The following PSTPIP2 variants were observed in gnomAD, a reference collection of about 807,000 sequenced individuals.
The protein encoded by PSTPIP2 is proline-serine-threonine phosphatase-interacting protein 2.
Under a neutral mutation model 63.3 loss-of-function variants are expected in PSTPIP2, and 33 were observed. The ratio of observed to expected loss-of-function variants is 0.52; its 90% confidence interval spans 0.40 to 0.70. The LOEUF is 0.70. Among genes scored for constraint, PSTPIP2 ranks in the 30% least tolerant of loss-of-function variants. The probability of loss-of-function intolerance (pLI) is 0.00; values close to 1 mark genes in which losing one functional copy is unlikely to be tolerated. For missense variants in PSTPIP2, 312 were observed against 400.7 expected, an observed-to-expected ratio of 0.78 and a Z score of 1.89; for synonymous variants, 125 against 132.7, an observed-to-expected ratio of 0.94 and a Z score of 0.40.
At chr18:46,033,057 A>C (rs1464385503) in intron 2 of PSTPIP2, among the ~76,000 whole-genome samples, 1 of 152,244 alleles carries the variant, frequency 6.6e-6, no homozygotes, top group Non-Finnish European at 1.5e-5. Context: ...AGGGGCTCTC[A>C]CAGAACATCT....
chr18:45,999,323 A>C, intron 7 of PSTPIP2, 113 bp downstream of exon 7: 8 of 969,252 alleles, frequency 8.3e-6, no homozygotes, highest in Non-Finnish European at 1.3e-5. Flanking sequence ...ACATGAAGGA[A>C]GATATTTCCA....
chr18:46,042,738 C>G (rs891053111), intron 1 of PSTPIP2, among the ~76,000 whole-genome samples: 6 of 152,030 alleles, frequency 3.9e-5, no homozygotes, highest in Non-Finnish European at 7.4e-5. Context: ...GAGTCTTTGC[C>G]CTTCCCAGAG....
intron 2 of PSTPIP2, among the ~76,000 whole-genome samples, chr18:46,025,574 C>T (rs764744654): frequency 3.3e-5 from 5 of 151,722 alleles, no homozygotes; most frequent in Non-Finnish European, 5.9e-5. Flanking sequence ...CACCTAGTAA[C>T]ACATCATATA....
At chr18:46,019,090 T>A (rs2051884056) in intron 3 of PSTPIP2, among the ~76,000 whole-genome samples, 2 of 152,080 alleles carry the variant, frequency 1.3e-5, no homozygotes, top group Non-Finnish European at 2.9e-5. Flanking sequence ...GGAGGTGCCT[T>A]GGCCCTGGTA....
chr18:45,995,238 C>T (rs2144063614), intron 9 of PSTPIP2, among the ~76,000 whole-genome samples: 1 of 152,066 alleles, frequency 6.6e-6, no homozygotes, highest in Non-Finnish European at 1.5e-5. Flanking sequence ...CCTCAGGTTC[C>T]CAAGTAGCCT....
intron 2 of PSTPIP2, chr18:46,029,443 A>C: frequency 7.5e-7 from 1 of 1,334,794 alleles, no homozygotes. Context: ...ATGTGAACTC[A>C]AGGAGGTGCC....
At chr18:45,987,221 T>A (rs2051477056) in intron 14 of PSTPIP2, among the ~76,000 whole-genome samples, 1 of 152,202 alleles carries the variant, frequency 6.6e-6, no homozygotes, top group Non-Finnish European at 1.5e-5. Flanking sequence ...AAAGTAGGTG[T>A]TTTTAGAGGA....
intron 9 of PSTPIP2, 71 bp from the exon 10 acceptor site, chr18:45,993,774 T>C: frequency 7.7e-7 from 1 of 1,301,006 alleles, no homozygotes; most frequent in East Asian, 2.4e-5. Context: ...AGCTGTGACT[T>C]AAGAAACAGT....
chr18:46,006,030 G>A (rs1009130532), intron 5 of PSTPIP2, among the ~76,000 whole-genome samples: 2 of 152,072 alleles, frequency 1.3e-5, no homozygotes, highest in Non-Finnish European at 2.9e-5. Flanking sequence ...ACAACTAAAA[G>A]AAGCTGTTCT....
chr18:46,008,757 C>CAG lies in PSTPIP2; in HGVS notation c.354+2422_354+2423dup, dbSNP rs548071557. 5.3e-3 allele frequency among the ~76,000 whole-genome samples: 810 copies of CAG among 152,248 alleles called. 7 individuals are homozygous for CAG. Among genetic ancestry groups the CAG allele is most frequent in the African/African-American group, 0.012 (499 of 41,526 alleles). On this transcript the variant is annotated intron_variant, in intron 5 of 14. Transcript: ENST00000409746. ...ATAAAACCATGTGGGTGCCAGAGTA[C>CAG]AGTGTCTGATCATGTGTTGTCATTG...
At chr18:46,029,509 G>A in intron 2 of PSTPIP2, 3 of 849,026 alleles carry the variant, frequency 3.5e-6, no homozygotes, top group Non-Finnish European at 6.2e-6. Flanking sequence ...CCACATCTAG[G>A]AATGGACAGT....
intron 1 of PSTPIP2, among the ~76,000 whole-genome samples, chr18:46,041,593 T>C (rs1335656263): frequency 6.6e-6 from 1 of 152,044 alleles, no homozygotes; most frequent in African/African-American, 2.4e-5. Flanking sequence ...CTCTCCAAGG[T>C]TGGAGGGACC....
At chr18:46,029,786 C>A (rs1002601000) in intron 2 of PSTPIP2, 30 of 518,220 alleles carry the variant, frequency 5.8e-5, no homozygotes, top group Non-Finnish European at 1.0e-4. Context: ...ATGGAATTTT[C>A]TCTCAGAGGT....
intron 9 of PSTPIP2, among the ~76,000 whole-genome samples, chr18:45,996,017 T>C (rs2051590647): frequency 6.6e-6 from 1 of 152,198 alleles, no homozygotes; most frequent in South Asian, 2.1e-4. Flanking sequence ...GGTTTCACTA[T>C]GTTGTCCAGA....
chr18:46,053,824 G>A (rs898903954), intron 1 of PSTPIP2, among the ~76,000 whole-genome samples: 20 of 152,054 alleles, frequency 1.3e-4, no homozygotes, highest in African/African-American at 4.3e-4. Flanking sequence ...AGACATGAGG[G>A]GATCTTAAAT....
chr18:46,044,600 A>G (rs925268621), intron 1 of PSTPIP2, among the ~76,000 whole-genome samples: 2 of 152,236 alleles, frequency 1.3e-5, no homozygotes, highest in Non-Finnish European at 2.9e-5. Flanking sequence ...AGGCATGGGC[A>G]AGGACTTCAT....
At chr18:46,059,056 A>T (rs1310458340) in intron 1 of PSTPIP2, among the ~76,000 whole-genome samples, 3 of 143,920 alleles carry the variant, frequency 2.1e-5, no homozygotes, top group Non-Finnish European at 3.0e-5. Context: ...TTTTTTTGTG[A>T]GATAGGGTCT....
At chr18:46,071,369 G>A (rs1420134441) in intron 1 of PSTPIP2, among the ~76,000 whole-genome samples, 2 of 152,214 alleles carry the variant, frequency 1.3e-5, no homozygotes, top group African/African-American at 4.8e-5. Flanking sequence ...TGGACCTTGA[G>A]GGGCACCTGG....
intron 2 of PSTPIP2, among the ~76,000 whole-genome samples, chr18:46,037,470 C>T (rs938613506): frequency 1.3e-5 from 2 of 152,058 alleles, no homozygotes; most frequent in Non-Finnish European, 2.9e-5. Context: ...TATGACAGCT[C>T]GGTCAAATAA....
Sources: allele counts gnomAD v4.1 joint callset (sites outside exome capture counted in the v4.1 genomes callset), GRCh38; gene constraint gnomAD v4.1.1; transcripts MANE v1.5; gene names NCBI Gene and HGNC (gene_info 2026-07-23, HGNC 2026-07-21).